The following CLTRN variants were observed in gnomAD, a reference collection of about 807,000 sequenced individuals.
The protein encoded by CLTRN is collectrin, amino acid transport regulator.
CLTRN carries 12 observed loss-of-function variants against 14.5 expected under a neutral mutation model. The observed-to-expected ratio is 0.83, with a 90% CI of 0.53 to 1.34. CLTRN has a LOEUF of 1.34. CLTRN is among the 40% of genes most tolerant of loss of function. The probability of loss-of-function intolerance (pLI) is 0.00; values close to 1 mark genes in which losing one functional copy is unlikely to be tolerated. For missense variants in CLTRN, 154 were observed against 165.1 expected (o/e 0.93, Z 0.37); for synonymous variants, 58 against 56.5 (o/e 1.03, Z -0.12).
At chrX:15,638,893 G>C (rs957193582) in intron 5 of CLTRN, among the ~76,000 whole-genome samples, 1 of 112,036 alleles carries the variant, frequency 8.9e-6, no homozygotes. Flanking sequence ...CAATGAATAA[G>C]GATGACCTGA....
chrX:15,652,340 A>C (rs1293728392), intron 3 of CLTRN, among the ~76,000 whole-genome samples: 1 of 111,901 alleles, frequency 8.9e-6, no homozygotes, highest in African/African-American at 3.3e-5. Context: ...TTTAAATATG[A>C]ATGAGTCCAA....
intron 2 of CLTRN, among the ~76,000 whole-genome samples, chrX:15,662,866 C>T (rs1397094227): frequency 1.8e-5 from 2 of 111,332 alleles, no homozygotes; most frequent in Non-Finnish European, 3.8e-5. Flanking sequence ...CTCCCTAACA[C>T]AGCCCACATA....
intron 3 of CLTRN, among the ~76,000 whole-genome samples, chrX:15,655,240 G>A (rs1486438122): frequency 3.6e-5 from 4 of 112,181 alleles, no homozygotes; most frequent in Admixed American, 9.4e-5. Flanking sequence ...TGATGGGGGC[G>A]TGAGATAGAT....
At chrX:15,646,967 G>C (rs1257099719) in intron 3 of CLTRN, 5 of 254,724 alleles carry the variant, frequency 2.0e-5, no homozygotes, top group Non-Finnish European at 3.7e-5. Context: ...CCCGGGCAGC[G>C]TTGTCTCAAT....
At position 15,649,000 on chromosome X, in the gene CLTRN, T is replaced by C. The variant is rs1025316973; in HGVS notation, c.204-3971A>G. On this transcript the variant is annotated intron_variant, in intron 3 of 5. Transcript: ENST00000380342. ...TGTATTATTTTTTCCATATAAAGCC[T>C]CTTTAAATACTGTTCAAACATGAAT... Among the ~76,000 whole-genome samples the C allele has an allele frequency of 4.5e-5, 5 of 111,942 alleles. No individual in the cohort carries two copies. The East Asian group carries it at 1.1e-3, about 25-fold the overall frequency.
At chrX:15,653,702 G>A (rs898439833) in intron 3 of CLTRN, among the ~76,000 whole-genome samples, 2 of 111,644 alleles carry the variant, frequency 1.8e-5, no homozygotes, top group African/African-American at 6.5e-5. Context: ...GACATGGTGG[G>A]GCACACCAGT....
intron 5 of CLTRN, among the ~76,000 whole-genome samples, chrX:15,630,584 C>T (rs1443451377): frequency 8.9e-6 from 1 of 112,398 alleles, no homozygotes; most frequent in Non-Finnish European, 1.9e-5. Context: ...GCATATGCCA[C>T]CATCAAATAT....
intron 5 of CLTRN, among the ~76,000 whole-genome samples, chrX:15,634,866 T>C (rs1928780234): frequency 1.9e-5 from 2 of 106,608 alleles, no homozygotes; most frequent in Non-Finnish European, 3.9e-5. Flanking sequence ...CGCACCAGCA[T>C]GGCACATGTA....
At chrX:15,648,321 T>C (rs917741991) in intron 3 of CLTRN, among the ~76,000 whole-genome samples, 8 of 111,642 alleles carry the variant, frequency 7.2e-5, no homozygotes, top group Non-Finnish European at 1.5e-4. Flanking sequence ...TCAGGCCAGA[T>C]AATTTTATGT....
At chrX:15,659,190 CTCCA>C in intron 2 of CLTRN, 89 bp from the exon 3 acceptor site, 21 of 390,081 alleles carry the variant, frequency 5.4e-5, no homozygotes, top group East Asian at 1.5e-4. Context: ...CTCTCTCTCT[CTCCA>C]CACACACACA....
intron 2 of CLTRN, among the ~76,000 whole-genome samples, chrX:15,663,242 T>C (rs1204894233): frequency 5.3e-5 from 6 of 112,212 alleles, no homozygotes; most frequent in Non-Finnish European, 1.1e-4. Context: ...GGACAAGCCT[T>C]AATCACCATT....
chrX:15,655,284 G>T (rs1387781184), intron 3 of CLTRN, among the ~76,000 whole-genome samples: 1 of 112,272 alleles, frequency 8.9e-6, no homozygotes, highest in Non-Finnish European at 1.9e-5. Flanking sequence ...CTGGACCTGG[G>T]TCCTTGTGGT....
intron 3 of CLTRN, among the ~76,000 whole-genome samples, chrX:15,657,970 G>A (rs1287818496): frequency 9.0e-6 from 1 of 111,659 alleles, no homozygotes; most frequent in Non-Finnish European, 1.9e-5. Context: ...ATCAGATATT[G>A]TGGATGTGAG....
chrX:15,665,965 G>A (rs1929612508), upstream of CLTRN, among the ~76,000 whole-genome samples: 1 of 111,590 alleles, frequency 9.0e-6, no homozygotes, highest in Admixed American at 9.5e-5. Context: ...TGTGTCTCTG[G>A]TCACCATTGG....
chrX:15,654,973 C>T (rs1208756762), intron 3 of CLTRN, among the ~76,000 whole-genome samples: 2 of 112,392 alleles, frequency 1.8e-5, no homozygotes, highest in Non-Finnish European at 3.8e-5. Context: ...CCTTCTTCCT[C>T]GCCTCTTGAC....
rs368563346 is a variant in CLTRN, at chrX:15,664,760, A to G, written c.16T>C (p.Phe6Leu). 8 of 1,208,443 alleles carry G rather than the reference A, an allele frequency of 6.6e-6. No homozygotes were observed. In the African/African-American group the frequency reaches 1.4e-4, roughly 21 times the overall value. ...GCATGAATGGCAGTCACCAGAAAAA[A>G]GAGCAGCCACAACATTCTTTCAGGG... MLWLL[F>L]FLVTAIHAEL... Residue 6 changes from phenylalanine to leucine, a missense_variant, in exon 1 of 6, where the codon TTT (phenylalanine) becomes CTT (leucine). Physicochemically the swap from Phe to Leu is conservative, Grantham distance 22. Transcript: ENST00000380342.
intron 3 of CLTRN, among the ~76,000 whole-genome samples, chrX:15,651,704 T>C (rs1482856964): frequency 9.0e-6 from 1 of 111,478 alleles, no homozygotes; most frequent in Non-Finnish European, 1.9e-5. Flanking sequence ...TGTCCTGTGC[T>C]GTAAGCCCCC....
At chrX:15,640,916 A>G (rs1928926765) in intron 4 of CLTRN, among the ~76,000 whole-genome samples, 1 of 112,026 alleles carries the variant, frequency 8.9e-6, no homozygotes, top group African/African-American at 3.2e-5. Context: ...AAATATGGGC[A>G]CAGTGTGAGC....
At chrX:15,641,632 C>T (rs1392194465) in intron 4 of CLTRN, among the ~76,000 whole-genome samples, 1 of 79,325 alleles carries the variant, frequency 1.3e-5, no homozygotes, top group Non-Finnish European at 2.2e-5. Context: ...GCCACCACAC[C>T]TGGCTGTGTG....
Sources: allele counts gnomAD v4.1 joint callset (sites outside exome capture counted in the v4.1 genomes callset), GRCh38; gene constraint gnomAD v4.1.1; transcripts MANE v1.5; gene names NCBI Gene and HGNC (gene_info 2026-07-23, HGNC 2026-07-21).